CSMD1: variants seen among roughly 807,000 people sequenced by gnomAD.
CSMD1 encodes the protein CUB and sushi domain-containing protein 1.
Under a neutral mutation model 417.5 loss-of-function variants are expected in CSMD1, and 213 were observed. The ratio of observed to expected loss-of-function variants is 0.51; its 90% CI spans 0.46 to 0.57. CSMD1 has a LOEUF of 0.57. Ranked by LOEUF, CSMD1 falls within the 20% of genes least tolerant of loss-of-function variation. The pLI is 0.00. For synonymous variants in CSMD1, 2,862 were observed against 1,736.8 expected, an observed-to-expected ratio of 1.65 and a Z score of -16.11; for missense variants, 6,923 against 4,529.7, an observed-to-expected ratio of 1.53 and a Z score of -15.17.
chr8:4,024,472 G>C (rs1286097107), intron 4 of CSMD1, among the ~76,000 whole-genome samples: 2 of 152,106 alleles, frequency 1.3e-5, no homozygotes, highest in Non-Finnish European at 2.9e-5. Flanking sequence ...TAGTAAAGTT[G>C]GGATGAGACC....
intron 5 of CSMD1, among the ~76,000 whole-genome samples, chr8:3,850,704 A>C (rs1275545856): frequency 6.6e-6 from 1 of 152,162 alleles, no homozygotes; most frequent in Non-Finnish European, 1.5e-5. Context: ...CAAAAAATAA[A>C]TATAAATAAA....
chr8:3,415,402 G>T (rs1331268579), intron 12 of CSMD1, among the ~76,000 whole-genome samples: 1 of 152,214 alleles, frequency 6.6e-6, no homozygotes, highest in African/African-American at 2.4e-5. Flanking sequence ...CTGTCACCCA[G>T]GCTGGAGTGC....
At chr8:3,538,085 G>A (rs908921836) in intron 10 of CSMD1, among the ~76,000 whole-genome samples, 1 of 152,228 alleles carries the variant, frequency 6.6e-6, no homozygotes, top group South Asian at 2.1e-4. Context: ...CCTATGCACA[G>A]AGTTTTTAAA....
chr8:4,487,045 A>G (rs1046425817), intron 2 of CSMD1, among the ~76,000 whole-genome samples: 2 of 152,164 alleles, frequency 1.3e-5, no homozygotes, highest in African/African-American at 2.4e-5. Context: ...GAATTGTAAT[A>G]TCTTTCCGCT....
At chr8:4,255,693 G>T (rs551763803) in intron 3 of CSMD1, among the ~76,000 whole-genome samples, 1 of 152,310 alleles carries the variant, frequency 6.6e-6, no homozygotes, top group South Asian at 2.1e-4. Context: ...TAAGGTAGTT[G>T]AATTATCTTA....
At chr8:4,081,903 T>G (rs1800154420) in intron 3 of CSMD1, among the ~76,000 whole-genome samples, 1 of 152,176 alleles carries the variant, frequency 6.6e-6, no homozygotes. Context: ...ACAGTAGTGC[T>G]CATGGGGGAG....
At chr8:3,753,536 G>T (rs1721903939) in intron 6 of CSMD1, among the ~76,000 whole-genome samples, 1 of 152,186 alleles carries the variant, frequency 6.6e-6, no homozygotes, top group African/African-American at 2.4e-5. Context: ...AGGATTAAAA[G>T]TGATATTACA....
intron 41 of CSMD1, among the ~76,000 whole-genome samples, chr8:3,120,762 G>A (rs1045508210): frequency 2.6e-5 from 4 of 151,890 alleles, no homozygotes; most frequent in Middle Eastern, 3.2e-3. Flanking sequence ...CAGAAGAATC[G>A]CTTAAACCCA....
In CSMD1 at chr8:4,155,704, T is replaced by C. The variant is rs114419770; in HGVS notation, c.416-123605A>G. The stretch of plus-strand genomic sequence containing the variant: ...AGCAAATTTCTAATCAACAGTGTTC[T>C]ACTTCGTCAAATCACAACAGAAACA... On this transcript the variant is annotated intron_variant, in intron 3 of 69. Transcript: ENST00000635120. 8.4e-4 allele frequency among the ~76,000 whole-genome samples: 128 copies of C among 152,250 alleles called. 1 individual carries two copies. Among genetic ancestry groups the C allele is most frequent in the African/African-American group, 3.0e-3 (124 of 41,536 alleles).
chr8:4,829,891 C>T (rs966718365), intron 1 of CSMD1, among the ~76,000 whole-genome samples: 3 of 152,138 alleles, frequency 2.0e-5, no homozygotes, highest in African/African-American at 7.2e-5. Flanking sequence ...TTGAATGAGT[C>T]CTTATAGGTA....
chr8:3,299,909 C>G (rs568364923), intron 25 of CSMD1, among the ~76,000 whole-genome samples: 2 of 152,160 alleles, frequency 1.3e-5, no homozygotes, highest in Non-Finnish European at 2.9e-5. Context: ...ATATCTACTC[C>G]TTTTAGAGGC....
intron 3 of CSMD1, among the ~76,000 whole-genome samples, chr8:4,369,972 G>A (rs1334780333): frequency 6.6e-6 from 1 of 152,122 alleles, no homozygotes; most frequent in Admixed American, 6.6e-5. Flanking sequence ...TGACACGTGA[G>A]AATTGTATCT....
chr8:3,300,073 A>C (rs2117333252), intron 25 of CSMD1, among the ~76,000 whole-genome samples: 1 of 152,314 alleles, frequency 6.6e-6, no homozygotes, highest in South Asian at 2.1e-4. Flanking sequence ...AATATTCCAA[A>C]AGGGTGTAGT....
chr8:4,788,911 G>A (rs906404226), intron 1 of CSMD1, among the ~76,000 whole-genome samples: 4 of 152,178 alleles, frequency 2.6e-5, no homozygotes, highest in Non-Finnish European at 4.4e-5. Flanking sequence ...GGTGTTGGAG[G>A]TTGGCAGCAT....
intron 7 of CSMD1, among the ~76,000 whole-genome samples, chr8:3,637,738 C>G (rs1348579350): frequency 2.6e-5 from 4 of 152,090 alleles, no homozygotes; most frequent in Non-Finnish European, 5.9e-5. Flanking sequence ...TGGCTGTGTC[C>G]CCACCCAAAT....
chr8:4,179,878 A>G (rs533947017), intron 3 of CSMD1, among the ~76,000 whole-genome samples: 4 of 152,200 alleles, frequency 2.6e-5, no homozygotes, highest in South Asian at 2.1e-4. Context: ...CCACAATGAG[A>G]TACCATCTCA....
At chr8:3,237,442 G>C (rs1471682744) in intron 26 of CSMD1, among the ~76,000 whole-genome samples, 1 of 150,760 alleles carries the variant, frequency 6.6e-6, no homozygotes, top group East Asian at 2.0e-4. Context: ...GGGCAACAGG[G>C]CGAGACTCCA....
intron 1 of CSMD1, among the ~76,000 whole-genome samples, chr8:4,938,849 G>C (rs552144283): frequency 6.6e-6 from 1 of 152,150 alleles, no homozygotes; most frequent in Non-Finnish European, 1.5e-5. Flanking sequence ...CAGGTGTAAC[G>C]TGATGTTACT....
chr8:3,788,802 A>T (rs567750155), intron 5 of CSMD1, among the ~76,000 whole-genome samples: 6 of 152,298 alleles, frequency 3.9e-5, no homozygotes, highest in South Asian at 2.1e-4. Context: ...AATACACAGG[A>T]CAGACGCATT....
Sources: gnomAD v4.1 joint callset for allele counts (sites outside exome capture counted in the v4.1 genomes callset) on GRCh38, gnomAD v4.1.1 for gene constraint, MANE v1.5 for transcripts, NCBI Gene and HGNC (gene_info 2026-07-23, HGNC 2026-07-21) for gene names.